SPATS2L: variants seen among roughly 807,000 people sequenced by gnomAD.
SPATS2L encodes SPATS2-like protein.
Under a neutral mutation model 59.6 loss-of-function variants are expected in SPATS2L, and 30 were observed. The ratio of observed to expected loss-of-function variants is 0.50; its 90% CI spans 0.38 to 0.68. The LOEUF (loss-of-function observed/expected upper bound fraction) is 0.68. Ranked by LOEUF, SPATS2L falls within the 30% of genes least tolerant of loss-of-function variation. The pLI, the probability that SPATS2L is intolerant of heterozygous loss-of-function variation, is 0.00. For missense variants in SPATS2L, 615 were observed against 700.0 expected, an observed-to-expected ratio of 0.88 and a Z score of 1.37; for synonymous variants, 252 against 263.5, an observed-to-expected ratio of 0.96 and a Z score of 0.42.
intron 3 of SPATS2L, 25 bp from the exon 4 acceptor site, chr2:200,412,286 T>G: frequency 7.6e-7 from 1 of 1,320,594 alleles, no homozygotes; most frequent in Middle Eastern, 1.9e-4. Context: ...ACATTTCTAT[T>G]TCTTTTTTTT....
chr2:200,329,287 A>G (rs529754170), intron 1 of SPATS2L, 144 bp from the exon 2 acceptor site: 586 of 682,900 alleles, frequency 8.6e-4, no homozygotes, highest in Non-Finnish European at 1.3e-3. Context: ...CTGGAGTCAC[A>G]TAGCTGTTAA....
chr2:200,417,483 A>G (rs1044484473), intron 5 of SPATS2L, among the ~76,000 whole-genome samples: 4 of 152,166 alleles, frequency 2.6e-5, no homozygotes, highest in African/African-American at 9.7e-5. Flanking sequence ...CTTACATAGA[A>G]AAATTTCAAA....
Position 200,479,276 on chromosome 2 carries a change from G to A in SPATS2L, c.*1245G>A, listed in dbSNP as rs1041769740. 2 of 317,114 alleles carry A rather than the reference G, an allele frequency of 6.3e-6. No homozygotes were observed. The highest frequency in any genetic ancestry group is 4.2e-5 in the African/African-American group (2 of 47,186). The allele number at this position is 317,114 out of a possible 1,614,324, so 19.6% of individuals were successfully genotyped here. A position where few individuals can be genotyped will look rare whatever the true frequency, so the allele number is the denominator to read the frequency against. ...CATTGCATTCAGAATTGTGGCAAAGGGCCACCATGCTCTTAAGACTCAAGT... is the reference window on the plus strand; with the variant it reads ...CATTGCATTCAGAATTGTGGCAAAGAGCCACCATGCTCTTAAGACTCAAGT... On this transcript the variant is annotated 3_prime_UTR_variant, in exon 13 of 13. Coordinates refer to ENST00000409140, the MANE Select transcript of SPATS2L (RefSeq NM_001100423.2).
chr2:200,441,580 C>T (rs1312856434), intron 8 of SPATS2L, among the ~76,000 whole-genome samples: 1 of 152,134 alleles, frequency 6.6e-6, no homozygotes, highest in African/African-American at 2.4e-5. Flanking sequence ...CTCACCCTCT[C>T]TCCTTCCTCT....
intron 1 of SPATS2L, among the ~76,000 whole-genome samples, chr2:200,310,869 T>C (rs1399008691): frequency 6.6e-6 from 1 of 152,260 alleles, no homozygotes; most frequent in African/African-American, 2.4e-5. Context: ...AACCACATTC[T>C]TCAAGTTCAA....
intron 2 of SPATS2L, among the ~76,000 whole-genome samples, chr2:200,345,973 C>A (rs955314285): frequency 2.2e-4 from 34 of 152,262 alleles, no homozygotes; most frequent in African/African-American, 7.5e-4. Flanking sequence ...AGCTGTTAAA[C>A]CCCTGACAAC....
chr2:200,463,351 C>T (rs1449567771), intron 9 of SPATS2L: 1 of 152,084 alleles, frequency 6.6e-6, no homozygotes, highest in African/African-American at 2.4e-5. Context: ...GCACCTAACC[C>T]AGTGCTGAGA....
At chr2:200,451,032 A>G (rs907846437) in intron 8 of SPATS2L, among the ~76,000 whole-genome samples, 2 of 152,208 alleles carry the variant, frequency 1.3e-5, no homozygotes, top group African/African-American at 4.8e-5. Flanking sequence ...TTCTTCCATC[A>G]ATAATGATGG....
At position 200,478,232 on chromosome 2, in the gene SPATS2L, C is replaced by G; in HGVS notation, c.*201C>G. ...CATGGCTTTGCTTGATCTGTTGATG[C>G]TTTCTCTCATCAAGACTTTGCAGCA... On this transcript the variant is annotated 3_prime_UTR_variant, in exon 13 of 13. Transcript: ENST00000409140. 4.2e-6 allele frequency: 2 copies of G among 480,280 alleles called. No individual in the cohort carries two copies. The highest frequency in any genetic ancestry group is 3.5e-6 in the Non-Finnish European group (1 of 288,808). The allele number at this position is 480,280 out of a possible 1,614,324, so 29.8% of individuals were successfully genotyped here.
At chr2:200,357,690 C>T (rs187807384) in intron 2 of SPATS2L, among the ~76,000 whole-genome samples, 67 of 152,244 alleles carry the variant, frequency 4.4e-4, no homozygotes, top group Middle Eastern at 6.8e-3. Context: ...AAACTTTACT[C>T]CCATTTCACA....
intron 12 of SPATS2L, among the ~76,000 whole-genome samples, chr2:200,477,289 A>C (rs2087602028): frequency 6.6e-6 from 1 of 152,050 alleles, no homozygotes; most frequent in African/African-American, 2.4e-5. Context: ...ATAGTAGAGG[A>C]TCATCATTAC....
chr2:200,441,561 T>C (rs1248040294), intron 8 of SPATS2L, among the ~76,000 whole-genome samples: 1 of 152,176 alleles, frequency 6.6e-6, no homozygotes, highest in Non-Finnish European at 1.5e-5. Flanking sequence ...TTATCAGGAC[T>C]CAGTCTGTCT....
At chr2:200,392,145 G>T (rs530831206) in intron 3 of SPATS2L, among the ~76,000 whole-genome samples, 1 of 152,238 alleles carries the variant, frequency 6.6e-6, no homozygotes, top group African/African-American at 2.4e-5. Flanking sequence ...ATCTTTGGCT[G>T]AGGGCTCTTG....
At chr2:200,411,806 C>CA (rs1366115005) in intron 3 of SPATS2L, among the ~76,000 whole-genome samples, 2 of 152,220 alleles carry the variant, frequency 1.3e-5, no homozygotes, top group East Asian at 3.8e-4. Context: ...CAATGCTCCA[C>CA]ATTTTTGTAT....
intron 2 of SPATS2L, among the ~76,000 whole-genome samples, chr2:200,349,716 T>C (rs1448601228): frequency 6.6e-6 from 1 of 152,232 alleles, no homozygotes; most frequent in Non-Finnish European, 1.5e-5. Flanking sequence ...AATTAATGAC[T>C]ATACCCTGTT....
intron 3 of SPATS2L, among the ~76,000 whole-genome samples, chr2:200,406,098 C>T (rs1175725729): frequency 1.3e-5 from 2 of 152,164 alleles, no homozygotes; most frequent in East Asian, 3.8e-4. Context: ...CTACTGAATG[C>T]CACCCATTGT....
intron 12 of SPATS2L, among the ~76,000 whole-genome samples, chr2:200,475,315 G>C (rs1190025312): frequency 6.6e-6 from 1 of 152,162 alleles, no homozygotes; most frequent in Admixed American, 6.5e-5. Context: ...AGCCTCAGAA[G>C]GTCTGATGAC....
At chr2:200,400,746 A>T (rs1224916669) in intron 3 of SPATS2L, among the ~76,000 whole-genome samples, 1 of 152,174 alleles carries the variant, frequency 6.6e-6, no homozygotes, top group Non-Finnish European at 1.5e-5. Flanking sequence ...CATTTCTAGG[A>T]ATTAAAGAAG....
At chr2:200,349,301 G>T (rs867159512) in intron 2 of SPATS2L, among the ~76,000 whole-genome samples, 1 of 152,292 alleles carries the variant, frequency 6.6e-6, no homozygotes, top group South Asian at 2.1e-4. Flanking sequence ...AGGAAACCGA[G>T]ATCTAGAAAG....
Sources: allele counts gnomAD v4.1 joint callset (sites outside exome capture counted in the v4.1 genomes callset), GRCh38; gene constraint gnomAD v4.1.1; transcripts MANE v1.5; gene names NCBI Gene and HGNC (gene_info 2026-07-23, HGNC 2026-07-21).